Variants in OR10D3 observed in about 807,000 individuals in gnomAD.
The protein encoded by OR10D3 is olfactory receptor family 10 subfamily D member 3, also known as olfactory receptor 10D3.
For synonymous variants in OR10D3, 100 were observed against 57.6 expected, an observed-to-expected ratio of 1.74 and a Z score of -3.33; for missense variants, 286 against 153.7, an observed-to-expected ratio of 1.86 and a Z score of -4.55.
At chr11:124,186,202 G>A (rs376118023) in exon 2 of OR10D3, 3 of 695,804 alleles carry the variant, frequency 4.3e-6, no homozygotes, top group African/African-American at 3.5e-5. Flanking sequence ...ATGTTCCTGA[G>A]AGTTAGTAAG....
exon 2 of OR10D3, chr11:124,188,358 G>A (rs1861248049): frequency 6.6e-6 from 1 of 152,274 alleles, no homozygotes; most frequent in African/African-American, 2.4e-5. Context: ...TTGCTGGAAG[G>A]AGGAGAGATG....
chr11:124,183,447 T>G (rs909358464), intron 1 of OR10D3, 64 bp downstream of exon 1: 5 of 147,286 alleles, frequency 3.4e-5, no homozygotes, highest in Non-Finnish European at 7.6e-5. Context: ...TCTTTCTCTC[T>G]CTCTTTCTCT....
chr11:124,188,217 G>A (rs1057226137), exon 2 of OR10D3: 5 of 152,248 alleles, frequency 3.3e-5, no homozygotes, highest in African/African-American at 1.2e-4. Flanking sequence ...TACGAAGAGG[G>A]ACACAGCAAC....
At chr11:124,186,381 T>C (rs1591377135) in exon 2 of OR10D3, 1 of 500,966 alleles carries the variant, frequency 2.0e-6, no homozygotes, top group East Asian at 3.1e-5. Flanking sequence ...TTTTATTTTA[T>C]TGTCTAGGTT....
rs57201296 is a variant in OR10D3 at position 124,186,500 on chromosome 11, A to ATTTTTT, written c.*302_*307dup. The stretch of plus-strand genomic sequence containing the variant: ...GAAGGAAGATCTTTTCCATCCTGCC[A>ATTTTTT]TTTTTTTTTTTTTTTGCATCACTTT... On this transcript the variant is annotated 3_prime_UTR_variant, in exon 2 of 2. Transcript: ENST00000641351. 1,159 of 150,310 alleles carry ATTTTTT rather than the reference A, an allele frequency of 7.7e-3. 15 individuals carry two copies. Among genetic ancestry groups the ATTTTTT allele is most frequent in the Non-Finnish European group, 0.012 (846 of 73,544 alleles). The allele number at this position is 150,310 out of a possible 1,614,324, so 9.3% of individuals were successfully genotyped here. A position where few individuals can be genotyped will look rare whatever the true frequency, so the allele number is the denominator to read the frequency against.
At position 124,186,114 on chromosome 11, in the gene OR10D3, TG is replaced by T; in HGVS notation, c.846del (p.Met282IlefsTer2). 1 of 703,126 alleles carries T rather than the reference TG, an allele frequency of 1.4e-6. No individual in the cohort carries two copies. Among genetic ancestry groups the T allele is most frequent in the East Asian group, 2.7e-5 (1 of 37,278 alleles). The allele number at this position is 703,126 out of a possible 1,614,324, so 43.6% of individuals were successfully genotyped here. A position where few individuals can be genotyped will look rare whatever the true frequency, so the allele number is the denominator to read the frequency against. Reference sequence around the variant, plus strand: ...ATTCTCATGAATCTGGTAGGACCAATGCTGAACCCTTTGATCTATACCTTGA... The same window carrying T: ...ATTCTCATGAATCTGGTAGGACCAATCTGAACCCTTTGATCTATACCTTGA... On this transcript the variant is annotated frameshift_variant, in exon 2 of 2. Coordinates refer to ENST00000641351, the Ensembl canonical transcript of OR10D3. LOFTEE classifies it low-confidence loss of function (END_TRUNC).
chr11:124,187,619 A>G (rs1861240269), exon 2 of OR10D3: 1 of 152,206 alleles, frequency 6.6e-6, no homozygotes, highest in Admixed American at 6.5e-5. Flanking sequence ...TCAGCTTCAT[A>G]TTCTCCTTTT....
exon 2 of OR10D3, chr11:124,185,308 C>T (rs1421186766): frequency 1.1e-5 from 8 of 703,314 alleles, no homozygotes; most frequent in Non-Finnish European, 2.1e-5. Flanking sequence ...CAGAGTTCAT[C>T]CTTTTGGGAA....
rs1861214416 is a variant in OR10D3, at chr11:124,185,663, TAC to T, written c.398_399del (p.Thr133SerfsTer40). 4.3e-6 allele frequency: 3 copies of T among 703,618 alleles called. No homozygotes were observed. Among genetic ancestry groups the T allele is most frequent in the African/African-American group, 1.7e-5 (1 of 57,256 alleles). The allele number at this position is 703,618 out of a possible 1,614,324, so 43.6% of individuals were successfully genotyped here. A position where few individuals can be genotyped will look rare whatever the true frequency, so the allele number is the denominator to read the frequency against. On this transcript the variant is annotated frameshift_variant, in exon 2 of 2. Transcript: ENST00000641351. LOFTEE classifies it low-confidence loss of function (END_TRUNC). ...CACTGCCATCTGTTATCCTCTGCGATACACAGTCATCATGAACCCAAGGATCT... is the reference window on the plus strand; with the variant it reads ...CACTGCCATCTGTTATCCTCTGCGATACAGTCATCATGAACCCAAGGATCT...
exon 1 of OR10D3, chr11:124,183,347 A>G (rs1861182921): frequency 6.6e-6 from 1 of 152,342 alleles, no homozygotes; most frequent in Admixed American, 6.5e-5. Flanking sequence ...TAAAAATCCT[A>G]TACAAACAGA....
exon 2 of OR10D3, chr11:124,186,892 T>C (rs1861233005): frequency 6.6e-6 from 1 of 152,254 alleles, no homozygotes; most frequent in Admixed American, 6.5e-5. Flanking sequence ...TGGCAAGTAG[T>C]GTGGTAACAA....
exon 2 of OR10D3, chr11:124,186,383 G>A (rs1339609744): frequency 4.1e-6 from 2 of 489,998 alleles, no homozygotes; most frequent in Middle Eastern, 5.2e-4. Flanking sequence ...TTATTTTATT[G>A]TCTAGGTTCT....
exon 2 of OR10D3, chr11:124,185,430 G>T: frequency 1.4e-6 from 1 of 703,008 alleles, no homozygotes; most frequent in East Asian, 2.7e-5. Context: ...TCTTCTGCTC[G>T]CCTTCACACA....
In OR10D3 at chr11:124,185,710, C is replaced by T. The variant is rs778046081; in HGVS notation, c.441C>T (p.Gly147=). Residue 147 remains glycine, a synonymous_variant, in exon 2 of 2, where the codon GGC becomes GGT. Coordinates refer to ENST00000641351, the Ensembl canonical transcript of OR10D3. ...GGATCTGTGTGGCCCTGGCTGTGGG[C>T]ACATGGCTGTTAGGGTGCATTCATT... is the stretch of plus-strand genomic sequence containing the variant. 68 of 703,488 alleles carry T rather than the reference C, an allele frequency of 9.7e-5. No individual in the cohort carries two copies. The Middle Eastern group carries it at 1.1e-3, about 12-fold the overall frequency. The allele number at this position is 703,488 out of a possible 1,614,324, so 43.6% of individuals were successfully genotyped here.
exon 2 of OR10D3, chr11:124,188,342 T>A (rs530510071): frequency 6.6e-6 from 1 of 152,380 alleles, no homozygotes; most frequent in African/African-American, 2.4e-5. Flanking sequence ...TTTGTATCAC[T>A]GAGGATTGCT....
At chr11:124,187,614 T>C (rs1330970748) in exon 2 of OR10D3, 1 of 152,202 alleles carries the variant, frequency 6.6e-6, no homozygotes, top group Non-Finnish European at 1.5e-5. Context: ...TAAATTCAGC[T>C]TCATATTCTC....
In OR10D3 at chr11:124,183,401, C is replaced by T. The variant is rs1046868051; in HGVS notation, c.-12+18C>T. The stretch of plus-strand genomic sequence containing the variant: ...TTCTCTTTGTAAGTTACATAAGTGC[C>T]ATCTTTGCCTCTTTCTCTCTCTTTC... On this transcript the variant is annotated intron_variant, in intron 1 of 1. Coordinates refer to ENST00000641351, the Ensembl canonical transcript of OR10D3. 1 of 147,956 alleles carries T rather than the reference C, an allele frequency of 6.8e-6. No individual in the cohort carries two copies. Among genetic ancestry groups the T allele is most frequent in the African/African-American group, 2.5e-5 (1 of 40,266 alleles). 9.2% of individuals were successfully genotyped at this position (147,956 alleles called of 1,614,324 possible).
chr11:124,184,296 T>A (rs558183014), intron 1 of OR10D3: 2 of 152,228 alleles, frequency 1.3e-5, no homozygotes, highest in African/African-American at 4.8e-5. Flanking sequence ...GAGTGAGTTA[T>A]CTTATTTCCT....
At chr11:124,187,331 A>G (rs757054545) in exon 2 of OR10D3, 6 of 152,202 alleles carry the variant, frequency 3.9e-5, no homozygotes, top group Non-Finnish European at 7.3e-5. Context: ...ATTTATACTT[A>G]CATTTGGCCT....
Sources: gnomAD v4.1 joint callset for allele counts on GRCh38, gnomAD v4.1.1 for gene constraint, MANE v1.5 for transcripts, NCBI Gene and HGNC (gene_info 2026-07-23, HGNC 2026-07-21) for gene names.